Variants in IL1B observed in about 807,000 individuals in gnomAD.
The protein encoded by IL1B is interleukin 1 beta.
A neutral mutation model predicts 26.2 loss-of-function variants in IL1B; 11 were observed. That is an observed-to-expected ratio of 0.42 (90% confidence interval 0.26 to 0.70). IL1B has a LOEUF of 0.70. IL1B is among the 30% of genes least tolerant of loss of function. The pLI is 0.25. For synonymous variants in IL1B, 118 were observed against 120.8 expected (o/e 0.98, Z 0.15); for missense variants, 255 against 327.5 (o/e 0.78, Z 1.71).
chr2:112,833,896 G>A (rs1682038932), intron 3 of IL1B, among the ~76,000 whole-genome samples: 1 of 152,120 alleles, frequency 6.6e-6, no homozygotes, highest in Non-Finnish European at 1.5e-5. Flanking sequence ...AGGAGACTGA[G>A]GAAGGAGAAT....
chr2:112,830,512 A>C lies in IL1B; in HGVS notation c.659T>G (p.Ile220Arg). 1 of 1,613,908 alleles carries C rather than the reference A, an allele frequency of 6.2e-7. No homozygotes were observed. Among genetic ancestry groups the C allele is most frequent in the African/African-American group, 1.3e-5 (1 of 74,976 alleles). The change falls in exon 7 of 7, where the codon ATA becomes AGA. Residue 220 changes from isoleucine to arginine, a missense_variant. Transcript: ENST00000263341. ...AAATTCCAGCTTGTTATTGATTTCT[A>C]TCTTGTTGAAGACAAATCGCTTTTC... ...KMEKRFVFNK[I>R]EINNKLEFES...
intron 2 of IL1B, 87 bp downstream of exon 2, chr2:112,836,096 G>GA (rs1269259122): frequency 3.8e-6 from 5 of 1,317,586 alleles, no homozygotes; most frequent in South Asian, 1.2e-5. Flanking sequence ...CAATTTAGGG[G>GA]AAAAATCTGG....
At chr2:112,831,089 G>T in intron 6 of IL1B, 1 of 588,474 alleles carries the variant, frequency 1.7e-6, no homozygotes. Context: ...TAATAACATC[G>T]GCAAAATGAT....
intron 3 of IL1B, 121 bp downstream of exon 3, chr2:112,835,445 A>T: frequency 1.3e-6 from 1 of 786,576 alleles, no homozygotes; most frequent in Non-Finnish European, 2.3e-6. Context: ...TCTCACTGGA[A>T]GAGGTTAAAG....
intron 5 of IL1B, among the ~76,000 whole-genome samples, chr2:112,832,129 G>T (rs1481661811): frequency 1.3e-5 from 2 of 152,206 alleles, no homozygotes; most frequent in African/African-American, 4.8e-5. Context: ...GATCACCACA[G>T]CTAATGATGG....
intron 4 of IL1B, 132 bp from the exon 5 acceptor site, chr2:112,832,958 G>C: frequency 1.2e-6 from 1 of 835,280 alleles, no homozygotes; most frequent in South Asian, 1.4e-5. Context: ...ACACCAGTAG[G>C]GATGAAGCTG....
intron 4 of IL1B, 75 bp from the exon 5 acceptor site, chr2:112,832,901 G>A: frequency 2.8e-6 from 4 of 1,451,864 alleles, no homozygotes; most frequent in Non-Finnish European, 3.9e-6. Flanking sequence ...GGCAAAATTT[G>A]ATTTCTTGGA....
At chr2:112,835,653 T>C in intron 2 of IL1B, 36 bp from the exon 3 acceptor site, 1 of 1,564,474 alleles carries the variant, frequency 6.4e-7, no homozygotes, top group South Asian at 1.1e-5. Flanking sequence ...CAATTATGTC[T>C]TCTAAACAGG....
chr2:112,833,203 A>G, intron 4 of IL1B, 171 bp downstream of exon 4: 1 of 693,874 alleles, frequency 1.4e-6, no homozygotes, highest in South Asian at 1.6e-5. Context: ...CTTTAAGAAT[A>G]GTTTCCACTA....
intron 3 of IL1B, among the ~76,000 whole-genome samples, chr2:112,834,008 A>T (rs1006469064): frequency 5.9e-5 from 9 of 151,972 alleles, no homozygotes; most frequent in African/African-American, 2.2e-4. Flanking sequence ...ACAAAACAAA[A>T]CAAAACAAAA....
intron 4 of IL1B, 119 bp from the exon 5 acceptor site, chr2:112,832,945 A>G: frequency 4.3e-6 from 4 of 925,838 alleles, no homozygotes; most frequent in Non-Finnish European, 7.0e-6. Context: ...AAGTCTGATG[A>G]CAACACCAGT....
intron 3 of IL1B, 145 bp from the exon 4 acceptor site, chr2:112,833,720 G>C (rs1573278586): frequency 7.5e-6 from 6 of 802,328 alleles, no homozygotes; most frequent in Middle Eastern, 3.5e-4. Context: ...TGGGCCAGGC[G>C]TGGTGGCTCA....
intron 6 of IL1B, 104 bp downstream of exon 6, chr2:112,831,188 T>C: frequency 7.3e-7 from 1 of 1,371,088 alleles, no homozygotes. Context: ...CAAATAGACC[T>C]GTTCCCAGCT....
At position 112,833,748 on chromosome 2, in the gene IL1B, CT is replaced by C. The variant is rs538154742; in HGVS notation, c.100-174del. Among the ~76,000 whole-genome samples, 230 of 152,302 alleles carry C rather than the reference CT, an allele frequency of 1.5e-3. 1 individual carries two copies. The highest frequency in any genetic ancestry group is 4.9e-3 in the African/African-American group (202 of 41,572). ...GTGGCTCATGCCTGTAATCCCAGCACTTTGGGAAGCCGAGGTGGATGAATCA... is the reference window on the plus strand; with the variant it reads ...GTGGCTCATGCCTGTAATCCCAGCACTTGGGAAGCCGAGGTGGATGAATCA... On this transcript the variant is annotated intron_variant, in intron 3 of 6. Coordinates refer to ENST00000263341, the MANE Select transcript of IL1B (RefSeq NM_000576.3).
chr2:112,836,319 G>T, intron 1 of IL1B, 75 bp from the exon 2 acceptor site: 1 of 1,029,556 alleles, frequency 9.7e-7, no homozygotes, highest in Non-Finnish European at 1.5e-6. Context: ...AGCATCCAGT[G>T]CATGGCAGTC....
At chr2:112,833,298 G>T in intron 4 of IL1B, 76 bp downstream of exon 4, 1 of 1,396,428 alleles carries the variant, frequency 7.2e-7, no homozygotes, top group Non-Finnish European at 1.0e-6. Context: ...GGCTCTGGGG[G>T]AATTGAGTTG....
At chr2:112,831,176 G>T in intron 6 of IL1B, 116 bp downstream of exon 6, 2 of 1,200,510 alleles carry the variant, frequency 1.7e-6, no homozygotes, top group Non-Finnish European at 2.5e-6. Flanking sequence ...ATGCAAAATT[G>T]TCAAATAGAC....
rs1030428070 is a variant in IL1B, at chr2:112,832,539, T to G, written c.466+123A>C. 4.7e-6 allele frequency: 5 copies of G among 1,072,592 alleles called. No homozygotes were observed. The African/African-American group carries it at 7.8e-5, about 17-fold the overall frequency. 66.4% of individuals were successfully genotyped at this position (1,072,592 alleles called of 1,614,324 possible). A position where few individuals can be genotyped will look rare whatever the true frequency, so the allele number is the denominator to read the frequency against. On this transcript the variant is annotated intron_variant, in intron 5 of 6. Coordinates refer to ENST00000263341, the MANE Select transcript of IL1B (RefSeq NM_000576.3). Reference sequence around the variant, plus strand: ...AGGACCAAAGTTTGTATATTCCTTTTTAATATTTTTTTTCACTTGTGTTGA... The same window carrying G: ...AGGACCAAAGTTTGTATATTCCTTTGTAATATTTTTTTTCACTTGTGTTGA...
At position 112,832,681 on chromosome 2, in the gene IL1B, T is replaced by C. The variant is rs1682009093; in HGVS notation, c.447A>G (p.Gly149=). ...ATTTACCTTGTTGCTCCATATCCTGTCCCTGGAGGTGGAGAGCTTTCAGTT... is the reference window on the plus strand; with the variant it reads ...ATTTACCTTGTTGCTCCATATCCTGCCCCTGGAGGTGGAGAGCTTTCAGTT... ...PYELKALHLQ[G]QDMEQQVVFS... The change falls in exon 5 of 7, where the codon GGA becomes GGG. Residue 149 remains glycine (G), a synonymous_variant. Coordinates refer to ENST00000263341, the MANE Select transcript of IL1B (RefSeq NM_000576.3). 3 of 1,614,064 alleles carry C rather than the reference T, an allele frequency of 1.9e-6. No individual in the cohort carries two copies. The highest frequency in any genetic ancestry group is 2.5e-6 in the Non-Finnish European group (3 of 1,180,046).
Sources: gnomAD v4.1 joint callset for allele counts (sites outside exome capture counted in the v4.1 genomes callset) on GRCh38, gnomAD v4.1.1 for gene constraint, MANE v1.5 for transcripts, NCBI Gene and HGNC (gene_info 2026-07-23, HGNC 2026-07-21) for gene names.